Variants in MAP3K12 observed in about 807,000 individuals in gnomAD.
MAP3K12 encodes the protein MAPK-upstream kinase.
Under a neutral mutation model 87.5 loss-of-function variants are expected in MAP3K12, and 14 were observed. That is an observed-to-expected ratio of 0.16 (90% CI 0.11 to 0.25). The LOEUF is 0.25. Ranked by LOEUF, MAP3K12 falls within the 10% of genes least tolerant of loss-of-function variation. The pLI, the probability that MAP3K12 is intolerant of heterozygous loss-of-function variation, is 1.00. For synonymous variants in MAP3K12, 469 were observed against 452.5 expected (o/e 1.04, Z -0.46); for missense variants, 802 against 1,140.4 (o/e 0.70, Z 4.27).
chr12:53,489,392 C>T (rs892112132), intron 1 of MAP3K12, among the ~76,000 whole-genome samples: 3 of 152,196 alleles, frequency 2.0e-5, no homozygotes, highest in East Asian at 1.9e-4. Context: ...TGACCTCAGG[C>T]GAGCTGTAGT....
At chr12:53,494,135 A>G (rs972715074) in intron 1 of MAP3K12, among the ~76,000 whole-genome samples, 3 of 152,010 alleles carry the variant, frequency 2.0e-5, no homozygotes, top group African/African-American at 7.3e-5. Context: ...TTGGCGCCAG[A>G]GCTTTGGAGG....
In MAP3K12 at chr12:53,485,179, C is replaced by A; in HGVS notation, c.1016G>T (p.Gly339Val). ...ATCTACGTCTTTGTAGGGGATCTCA[C>A]CAGTCAGCAGTTCCCATAGCACCAC... is the stretch of plus-strand genomic sequence containing the variant. The part of the protein sequence containing the change: ...FGVVLWELLT[G>V]EIPYKDVDSS... The change falls in exon 6 of 14, where the codon GGT becomes GTT. Residue 339 changes from glycine to valine, a missense_variant. This residue lies in a region of MAP3K12 where 21 missense variants were observed against 136.9 expected (regional missense o/e 0.15). Coordinates refer to ENST00000547488, the MANE Select transcript of MAP3K12 (RefSeq NM_001193511.2). 6.2e-7 allele frequency: 1 copy of A among 1,613,830 alleles called. No individual in the cohort carries two copies. Among genetic ancestry groups the A allele is most frequent in the South Asian group, 1.1e-5 (1 of 91,032 alleles).
At chr12:53,484,126 G>A in intron 7 of MAP3K12, 106 bp from the exon 8 acceptor site, 7 of 1,382,670 alleles carry the variant, frequency 5.1e-6, no homozygotes, top group Non-Finnish European at 7.2e-6. Context: ...GCAAAAAGGA[G>A]TGGATTGACT....
chr12:53,493,040 G>C (rs1943455612), intron 1 of MAP3K12: 1 of 152,392 alleles, frequency 6.6e-6, no homozygotes, highest in African/African-American at 2.4e-5. Context: ...CACGTGGCGC[G>C]TGGCTGGGGC....
intron 1 of MAP3K12, among the ~76,000 whole-genome samples, chr12:53,494,363 A>T (rs537688094): frequency 2.0e-5 from 3 of 152,350 alleles, no homozygotes; most frequent in African/African-American, 7.2e-5. Flanking sequence ...TCTAAGCCAT[A>T]CATGTGCCAG....
Position 53,486,924 on chromosome 12 carries a change from G to T in MAP3K12, c.445+23C>A. The T allele has an allele frequency of 6.2e-7, 1 of 1,608,792 alleles. No individual in the cohort carries two copies. Among genetic ancestry groups the T allele is most frequent in the Non-Finnish European group, 8.5e-7 (1 of 1,175,862 alleles). On this transcript the variant is annotated intron_variant, in intron 2 of 13. Coordinates refer to ENST00000547488, the MANE Select transcript of MAP3K12 (RefSeq NM_001193511.2). This position sits in a 1 kb window ranked among gnomAD's most constrained non-coding sequence, Gnocchi z 4.9. ...TCGGGCTCAGGGAAACAGAGAGGAG[G>T]CTCCCACAAGGACGTGGCCTACCTT...
At position 53,486,321 on chromosome 12, in the gene MAP3K12, C is replaced by T. The variant is rs1943227075; in HGVS notation, c.630-74G>A. 4.5e-6 allele frequency: 7 copies of T among 1,551,478 alleles called. No homozygotes were observed. Among genetic ancestry groups the T allele is most frequent in the Non-Finnish European group, 6.1e-6 (7 of 1,144,192 alleles). On this transcript the variant is annotated intron_variant, in intron 3 of 13. Coordinates refer to ENST00000547488, the MANE Select transcript of MAP3K12 (RefSeq NM_001193511.2). This position sits in a 1 kb window ranked among gnomAD's most constrained non-coding sequence, Gnocchi z 4.9. ...CTGATTCATACCTGGAACCCCCATT[C>T]CCACCCATTCCACCTATGGATCTCC... is the stretch of plus-strand genomic sequence containing the variant.
chr12:53,484,990 C>T, intron 6 of MAP3K12, 66 bp downstream of exon 6: 1 of 1,593,446 alleles, frequency 6.3e-7, no homozygotes, highest in Non-Finnish European at 8.6e-7. Flanking sequence ...ATTGGTCAGT[C>T]CAGCCCAGTA....
Position 53,483,147 on chromosome 12 carries a change from A to G in MAP3K12, c.1656T>C (p.Asp552=). The change falls in exon 11 of 14, where the codon GAT becomes GAC. Residue 552 remains aspartate (D), a synonymous_variant. Transcript: ENST00000547488. ...LKTESLLPKL[D]AALSGVGLPG... is the part of the protein sequence containing the mutation. ...GAAGCCCCACCCCACTCAGGGCTGC[A>G]TCTAGTTTAGGGAGCAAAGACTCCG... 1 of 1,521,242 alleles carries G rather than the reference A, an allele frequency of 6.6e-7. No individual in the cohort carries two copies. Among genetic ancestry groups the G allele is most frequent in the South Asian group, 1.3e-5 (1 of 75,160 alleles). 94.2% of individuals were successfully genotyped at this position (1,521,242 alleles called of 1,614,324 possible). A position where few individuals can be genotyped will look rare whatever the true frequency, so the allele number is the denominator to read the frequency against.
At chr12:53,484,866 G>C in intron 6 of MAP3K12, 190 bp downstream of exon 6, 1 of 665,020 alleles carries the variant, frequency 1.5e-6, no homozygotes, top group Non-Finnish European at 2.5e-6. Flanking sequence ...TTATAGATGA[G>C]GAAACAGGTT....
At chr12:53,488,383 C>T (rs1450390342) in intron 1 of MAP3K12, among the ~76,000 whole-genome samples, 3 of 152,198 alleles carry the variant, frequency 2.0e-5, no homozygotes, top group Non-Finnish European at 2.9e-5. Flanking sequence ...ACCATTAGGC[C>T]GGGTGCAGTG....
In MAP3K12 at chr12:53,482,872, G is replaced by T. The variant is rs768392954; in HGVS notation, c.1931C>A (p.Pro644Gln). The change falls in exon 11 of 14, where the codon CCA becomes CAA. Residue 644 changes from proline (P) to glutamine (Q), a missense_variant. Transcript: ENST00000547488. ...LLLRKMSSSS[P>Q]DLLSAALGSR... ...CCCTAGTGCTGCTGACAGCAGGTCT[G>T]GGGACGATGAAGACATTTTGCGGAG... 6.2e-7 allele frequency: 1 copy of T among 1,612,904 alleles called. No individual in the cohort carries two copies. The highest frequency in any genetic ancestry group is 1.1e-5 in the South Asian group (1 of 90,980).
chr12:53,493,004 C>CCCTTCCCGACCTCCTTCCCGACCT (rs145077069), intron 1 of MAP3K12: 2 of 152,308 alleles, frequency 1.3e-5, no homozygotes, highest in East Asian at 3.9e-4. Flanking sequence ...CGCCCCCTCC[C>CCCTTCCCGACCTCCTTCCCGACCT]CCTTCCCGAC....
chr12:53,492,039 C>T (rs1943422667), intron 1 of MAP3K12, among the ~76,000 whole-genome samples: 1 of 148,882 alleles, frequency 6.7e-6, no homozygotes, highest in Admixed American at 6.7e-5. Flanking sequence ...TGTGCCACTG[C>T]ACTCTAGCCT....
chr12:53,483,214 G>GT, intron 10 of MAP3K12, 25 bp from the exon 11 acceptor site: 1 of 1,533,526 alleles, frequency 6.5e-7, no homozygotes, highest in Non-Finnish European at 8.8e-7. Flanking sequence ...AAAGTAAAAG[G>GT]TTAAGACTGC....
At chr12:53,489,594 T>C (rs1943345833) in intron 1 of MAP3K12, among the ~76,000 whole-genome samples, 2 of 152,204 alleles carry the variant, frequency 1.3e-5, no homozygotes, top group African/African-American at 4.8e-5. Context: ...TTGTTCCTCA[T>C]AGCTAGCAGG....
At position 53,486,302 on chromosome 12, in the gene MAP3K12, C is replaced by T. The variant is rs572966576; in HGVS notation, c.630-55G>A. ...CAGCTGGCTCAGCATTCACCTGATT[C>T]ATACCTGGAACCCCCATTCCCACCC... On this transcript the variant is annotated intron_variant, in intron 3 of 13. Transcript: ENST00000547488. This position sits in a 1 kb window ranked among gnomAD's most constrained non-coding sequence, Gnocchi z 4.9. 2 of 1,556,830 alleles carry T rather than the reference C, an allele frequency of 1.3e-6. No homozygotes were observed. Among genetic ancestry groups the T allele is most frequent in the South Asian group, 2.4e-5 (2 of 81,982 alleles).
upstream of MAP3K12, chr12:53,501,328 C>T (rs1943690288): frequency 1.3e-6 from 2 of 1,505,332 alleles, no homozygotes; most frequent in South Asian, 1.2e-5. Flanking sequence ...CCGGGCTTGG[C>T]CCCGGCCCTA....
At chr12:53,490,657 T>C (rs533705561) in intron 1 of MAP3K12, among the ~76,000 whole-genome samples, 47 of 149,022 alleles carry the variant, frequency 3.2e-4, no homozygotes, top group Non-Finnish European at 5.5e-4. Context: ...GGCAGAAGAA[T>C]GGCATGAACA....
Sources: gnomAD v4.1 joint callset for allele counts (sites outside exome capture counted in the v4.1 genomes callset) on GRCh38, gnomAD v4.1.1 for gene constraint, gnomAD v4.1.1 regional missense constraint, Gnocchi (gnomAD v3.1) non-coding constraint, MANE v1.5 for transcripts, NCBI Gene and HGNC (gene_info 2026-07-23, HGNC 2026-07-21) for gene names.